The following NAA60 variants were observed in gnomAD, a reference collection of about 807,000 sequenced individuals.
NAA60 encodes N-alpha-acetyltransferase 60, NatF catalytic subunit, also known as N-alpha-acetyltransferase 60.
Under a neutral mutation model 26.1 loss-of-function variants are expected in NAA60, and 8 were observed. That is an observed-to-expected ratio of 0.31 (90% CI 0.18 to 0.55). The LOEUF is 0.55. Among genes scored for constraint, NAA60 ranks in the 20% least tolerant of loss-of-function variants. The probability of loss-of-function intolerance (pLI) is 0.93; values close to 1 mark genes in which losing one functional copy is unlikely to be tolerated. For synonymous variants in NAA60, 131 were observed against 122.5 expected (o/e 1.07, Z -0.46); for missense variants, 290 against 311.3 (o/e 0.93, Z 0.51).
In NAA60 at chr16:3,483,480, A is replaced by G. The variant is rs1567401753; in HGVS notation, c.455A>G (p.Asn152Ser). The G allele has an allele frequency of 6.2e-7, 1 of 1,614,002 alleles. No individual in the cohort carries two copies. ...TNNTAINFYE[N>S]RDFKQHHYLP... Reference sequence around the variant, plus strand: ...AACACAGCAATAAACTTCTATGAAAACAGAGACTTCAAGCAGCACCACTAT... The same window carrying G: ...AACACAGCAATAAACTTCTATGAAAGCAGAGACTTCAAGCAGCACCACTAT... Residue 152 changes from asparagine (N) to serine (S), a missense_variant, in exon 6 of 8, where the codon AAC becomes AGC. Asn to Ser is a conservative substitution (Grantham distance 46). Transcript: ENST00000407558.
At chr16:3,477,008 T>A (rs1003021296) in intron 3 of NAA60, among the ~76,000 whole-genome samples, 1 of 151,420 alleles carries the variant, frequency 6.6e-6, no homozygotes, top group African/African-American at 2.4e-5. Flanking sequence ...GCCATTGCAC[T>A]CCAGCCTGGG....
chr16:3,475,718 C>T (rs775608133), intron 2 of NAA60, among the ~76,000 whole-genome samples: 2 of 152,312 alleles, frequency 1.3e-5, no homozygotes, highest in South Asian at 2.1e-4. Flanking sequence ...CACAAACCCA[C>T]GCCCTGGTCA....
At chr16:3,462,086 C>CAAAAAAAAAAAAAAAAAAAA (rs1228233879) in intron 2 of NAA60, among the ~76,000 whole-genome samples, 1 of 76,800 alleles carries the variant, frequency 1.3e-5, no homozygotes, top group Non-Finnish European at 2.5e-5. Flanking sequence ...GACCTTATAT[C>CAAAAAAAAAAAAAAAAAAAA]AAAAAAAAAA....
intron 3 of NAA60, among the ~76,000 whole-genome samples, 178 bp from the exon 4 acceptor site, chr16:3,479,293 G>T (rs1202214647): frequency 6.6e-6 from 1 of 152,168 alleles, no homozygotes. Context: ...ACAGATCACT[G>T]CTTTAAGAAG....
intron 2 of NAA60, among the ~76,000 whole-genome samples, chr16:3,451,747 G>A (rs1466425842): frequency 6.6e-6 from 1 of 151,658 alleles, no homozygotes; most frequent in Non-Finnish European, 1.5e-5. Context: ...ACAAAACCTC[G>A]TCTCTACAAA....
chr16:3,476,752 G>A (rs1567392451), intron 3 of NAA60, among the ~76,000 whole-genome samples: 1 of 152,118 alleles, frequency 6.6e-6, no homozygotes, highest in Admixed American at 6.5e-5. Context: ...TTTTGATAGA[G>A]AAATCTTTTT....
At chr16:3,452,750 T>C (rs1278138434) in intron 2 of NAA60, among the ~76,000 whole-genome samples, 2 of 151,530 alleles carry the variant, frequency 1.3e-5, no homozygotes, top group Non-Finnish European at 2.9e-5. Context: ...GCACCAGGAG[T>C]TCGAGACCAG....
intron 2 of NAA60, chr16:3,448,971 A>T: frequency 6.3e-6 from 1 of 159,204 alleles, no homozygotes; most frequent in Non-Finnish European, 1.4e-5. Context: ...GGTTCTAATC[A>T]AAGGAAGCAG....
chr16:3,467,015 TGCCTGCAGGGTGCGGACA>T (rs1894766104), intron 2 of NAA60, among the ~76,000 whole-genome samples: 1 of 151,640 alleles, frequency 6.6e-6, no homozygotes, highest in Admixed American at 6.6e-5. Flanking sequence ...CCAAGATGGG[TGCCTGCAGGGTGCGGACA>T]GCCTGTCAGA....
At chr16:3,482,934 C>T in intron 5 of NAA60, 3 of 491,312 alleles carry the variant, frequency 6.1e-6, no homozygotes, top group South Asian at 4.7e-5. Context: ...GCTCACGATT[C>T]AGAGTAGAAA....
chr16:3,447,635 C>A, intron 1 of NAA60: 1 of 985,378 alleles, frequency 1.0e-6, no homozygotes, highest in Non-Finnish European at 1.2e-6. Context: ...GCAAGATTAT[C>A]TTTCTCCCAA....
In NAA60 at chr16:3,469,747, C is replaced by T. The variant is rs141501901; in HGVS notation, c.-6-6475C>T. ...GTCCCTGTGTCCTCCGGGTGGCCTG[C>T]AGGGCAATGGAAGATGAGTACTTAG... On this transcript the variant is annotated intron_variant, in intron 2 of 7. Coordinates refer to ENST00000407558, the MANE Select transcript of NAA60 (RefSeq NM_001083601.3). Among the ~76,000 whole-genome samples the T allele has an allele frequency of 3.3e-3, 498 of 152,370 alleles. 9 individuals carry two copies. Among genetic ancestry groups the T allele is most frequent in the Admixed American group, 0.025 (382 of 15,304 alleles).
At chr16:3,479,117 G>A (rs1316109398) in intron 3 of NAA60, among the ~76,000 whole-genome samples, 1 of 152,100 alleles carries the variant, frequency 6.6e-6, no homozygotes, top group East Asian at 1.9e-4. Flanking sequence ...GCACATACCT[G>A]TAATCCCAGC....
At chr16:3,444,207 A>T (rs27242) in intron 1 of NAA60, among the ~76,000 whole-genome samples, 42,216 of 151,904 alleles carry the variant, frequency 0.28, 6,481 homozygotes, top group African/African-American at 0.42. Context: ...CCCTAGAGCC[A>T]GTCATTTCCT....
At chr16:3,446,542 A>G (rs1272804580) in intron 1 of NAA60, among the ~76,000 whole-genome samples, 5 of 150,956 alleles carry the variant, frequency 3.3e-5, no homozygotes, top group Non-Finnish European at 5.9e-5. Context: ...AAAAAAAAAA[A>G]AAAAGAAAAT....
chr16:3,472,828 C>T (rs758842629), intron 2 of NAA60, among the ~76,000 whole-genome samples: 6 of 152,150 alleles, frequency 3.9e-5, no homozygotes, highest in Non-Finnish European at 7.3e-5. Flanking sequence ...TTTTTTGCTC[C>T]AACTAAATTA....
At chr16:3,460,425 G>A (rs777282534) in intron 2 of NAA60, among the ~76,000 whole-genome samples, 13 of 152,142 alleles carry the variant, frequency 8.5e-5, no homozygotes, top group Non-Finnish European at 8.8e-5. Flanking sequence ...ATGCAGTGGC[G>A]TAATCTCGGC....
intron 6 of NAA60, 159 bp downstream of exon 6, chr16:3,483,756 GAC>G (rs1219958220): frequency 4.7e-6 from 3 of 638,928 alleles, no homozygotes; most frequent in Non-Finnish European, 8.3e-6. Context: ...GGGTAAACCT[GAC>G]ACACATTTGG....
intron 2 of NAA60, among the ~76,000 whole-genome samples, chr16:3,468,614 C>A (rs756856023): frequency 6.6e-6 from 1 of 152,152 alleles, no homozygotes; most frequent in Admixed American, 6.5e-5. Flanking sequence ...GTGTGAGTGC[C>A]GAGGCGCAAG....
Sources: gnomAD v4.1 joint callset for allele counts (sites outside exome capture counted in the v4.1 genomes callset) on GRCh38, gnomAD v4.1.1 for gene constraint, MANE v1.5 for transcripts, NCBI Gene and HGNC (gene_info 2026-07-23, HGNC 2026-07-21) for gene names.